Variants in EPB41L5 observed in about 807,000 individuals in gnomAD.
EPB41L5 encodes erythrocyte membrane protein band 4.1 like 5.
In EPB41L5, 55 loss-of-function variants were observed where a neutral mutation model predicts 106.6. The observed-to-expected ratio is 0.52, with a 90% CI of 0.42 to 0.65. The LOEUF (loss-of-function observed/expected upper bound fraction) is 0.65, where lower values mean the gene tolerates loss of function less well. EPB41L5 is among the 30% of genes least tolerant of loss of function. EPB41L5 has a pLI of 0.00. For missense variants in EPB41L5, 871 were observed against 882.1 expected (o/e 0.99, Z 0.16); for synonymous variants, 297 against 306.7 (o/e 0.97, Z 0.33).
chr2:120,125,701 G>A lies in EPB41L5; in HGVS notation c.1338-1987G>A, dbSNP rs149809476. On this transcript the variant is annotated intron_variant, in intron 16 of 24. Coordinates refer to ENST00000263713, the MANE Select transcript of EPB41L5 (RefSeq NM_020909.4). ...AATTCTCTCACGGAATGCCTTTTGG[G>A]ATTTTTTTGTCTTTTCTTTTATGGC... Among the ~76,000 whole-genome samples the A allele has an allele frequency of 9.1e-3, 1,389 of 152,222 alleles. 10 individuals carry two copies. Among genetic ancestry groups the A allele is most frequent in the Non-Finnish European group, 0.014 (961 of 68,016 alleles).
At chr2:120,095,803 G>A (rs1371577581) in intron 14 of EPB41L5, among the ~76,000 whole-genome samples, 1 of 151,906 alleles carries the variant, frequency 6.6e-6, no homozygotes, top group Non-Finnish European at 1.5e-5. Context: ...CAAGTAGCTG[G>A]GATTACAGGC....
chr2:120,073,214 G>A lies in EPB41L5; in HGVS notation c.322G>A (p.Val108Ile). ...TGGTACAAAAAGCATCAAAAAGCAA[G>A]TAAAAAGTAAGTGCAGACAAAATTA... is the stretch of plus-strand genomic sequence containing the variant. ...LDGTKSIKKQ[V>I]KIGSPYCLHL... Residue 108 changes from valine (V) to isoleucine (I), a missense_variant, in exon 4 of 25, where the codon GTA becomes ATA. Transcript: ENST00000263713. 1.9e-6 allele frequency: 3 copies of A among 1,608,768 alleles called. No homozygotes were observed. Among genetic ancestry groups the A allele is most frequent in the Non-Finnish European group, 2.5e-6 (3 of 1,178,744 alleles).
chr2:120,036,045 G>T (rs965455520), intron 2 of EPB41L5, among the ~76,000 whole-genome samples: 1 of 152,166 alleles, frequency 6.6e-6, no homozygotes, highest in African/African-American at 2.4e-5. Context: ...TTCCAAATTT[G>T]TCTTGATAAT....
At chr2:120,076,009 T>C (rs755344488) in intron 7 of EPB41L5, among the ~76,000 whole-genome samples, 16 of 152,220 alleles carry the variant, frequency 1.1e-4, no homozygotes, top group Non-Finnish European at 1.9e-4. Flanking sequence ...AATGCTAAGA[T>C]TGGGCCTTCG....
At chr2:120,056,734 C>T (rs1442704200) in intron 3 of EPB41L5, among the ~76,000 whole-genome samples, 2 of 150,082 alleles carry the variant, frequency 1.3e-5, no homozygotes, top group Admixed American at 1.3e-4. Context: ...GGAAAACCAT[C>T]CCCCCTCTTG....
At chr2:120,095,547 T>C (rs887376720) in intron 14 of EPB41L5, among the ~76,000 whole-genome samples, 2 of 151,194 alleles carry the variant, frequency 1.3e-5, no homozygotes, top group African/African-American at 4.9e-5. Flanking sequence ...GTCCTCAAGC[T>C]TACTGATTTT....
chr2:120,067,316 A>AC (rs1681510706), intron 3 of EPB41L5, among the ~76,000 whole-genome samples: 1 of 152,244 alleles, frequency 6.6e-6, no homozygotes, highest in Non-Finnish European at 1.5e-5. Flanking sequence ...ATTGGCAAGA[A>AC]AAGTAAACAG....
intron 3 of EPB41L5, among the ~76,000 whole-genome samples, chr2:120,062,212 T>C (rs1681131392): frequency 6.6e-6 from 1 of 152,152 alleles, no homozygotes; most frequent in South Asian, 2.1e-4. Flanking sequence ...GAGAACACAA[T>C]AGGATTCAGT....
intron 24 of EPB41L5, among the ~76,000 whole-genome samples, chr2:120,168,884 A>G (rs1687537727): frequency 6.6e-6 from 1 of 152,268 alleles, no homozygotes; most frequent in Non-Finnish European, 1.5e-5. Context: ...TGGGAAGCTT[A>G]CATCTAGTAA....
intron 1 of EPB41L5, among the ~76,000 whole-genome samples, chr2:120,014,810 G>T (rs772455966): frequency 2.0e-5 from 3 of 152,124 alleles, no homozygotes; most frequent in Non-Finnish European, 4.4e-5. Flanking sequence ...GGTCAGGCAA[G>T]TAGGAGGAGC....
intron 2 of EPB41L5, among the ~76,000 whole-genome samples, chr2:120,037,358 C>T (rs1679104711): frequency 6.6e-6 from 1 of 152,122 alleles, no homozygotes; most frequent in Non-Finnish European, 1.5e-5. Flanking sequence ...AGATTAAATG[C>T]AATTCCTATC....
chr2:120,120,526 A>C (rs1162100166), intron 16 of EPB41L5, among the ~76,000 whole-genome samples: 1 of 151,882 alleles, frequency 6.6e-6, no homozygotes, highest in Non-Finnish European at 1.5e-5. Context: ...AAAATGGAAC[A>C]TACACCCTAG....
intron 3 of EPB41L5, among the ~76,000 whole-genome samples, chr2:120,067,432 A>G (rs1381888147): frequency 6.6e-6 from 1 of 152,204 alleles, no homozygotes; most frequent in East Asian, 1.9e-4. Flanking sequence ...TGGAATTGAA[A>G]GCATGTCAGA....
intron 3 of EPB41L5, among the ~76,000 whole-genome samples, chr2:120,055,955 C>G (rs1680621815): frequency 6.6e-6 from 1 of 152,054 alleles, no homozygotes; most frequent in Admixed American, 6.5e-5. Context: ...AGTGCCCTGG[C>G]TAGAACCTTC....
chr2:120,055,233 A>C (rs776847083), intron 3 of EPB41L5, among the ~76,000 whole-genome samples: 2 of 152,134 alleles, frequency 1.3e-5, no homozygotes, highest in African/African-American at 2.4e-5. Context: ...CTTTGTAGTA[A>C]GTCTTAAAAT....
At chr2:120,155,380 T>G (rs1181712381) in intron 20 of EPB41L5, among the ~76,000 whole-genome samples, 1 of 152,218 alleles carries the variant, frequency 6.6e-6, no homozygotes, top group Non-Finnish European at 1.5e-5. Flanking sequence ...TTTACTCTTA[T>G]GAGGATCCTT....
At chr2:120,105,632 C>T in intron 16 of EPB41L5, 2 of 985,284 alleles carry the variant, frequency 2.0e-6, no homozygotes, top group Non-Finnish European at 2.4e-6. Context: ...AGGATGGCCA[C>T]TCAAAGTATT....
chr2:120,023,554 G>T lies in EPB41L5; in HGVS notation c.180+4290G>T, dbSNP rs180919093. Among the ~76,000 whole-genome samples, 4 of 152,178 alleles carry T rather than the reference G, an allele frequency of 2.6e-5. No individual in the cohort carries two copies. In the East Asian group the frequency reaches 7.7e-4, roughly 29 times the overall value. ...TCCATTGGTCCGTATGTCTGTTTTG[G>T]TACCAGTACCATGCTGTTTTGGTTA... On this transcript the variant is annotated intron_variant, in intron 2 of 24. Coordinates refer to ENST00000263713, the MANE Select transcript of EPB41L5 (RefSeq NM_020909.4).
At chr2:120,019,753 C>G (rs1558798356) in intron 2 of EPB41L5, among the ~76,000 whole-genome samples, 1 of 152,190 alleles carries the variant, frequency 6.6e-6, no homozygotes, top group African/African-American at 2.4e-5. Flanking sequence ...TACTTGCAGA[C>G]ATTAATGAGG....
Sources: allele counts gnomAD v4.1 joint callset (sites outside exome capture counted in the v4.1 genomes callset), GRCh38; gene constraint gnomAD v4.1.1; transcripts MANE v1.5; gene names NCBI Gene and HGNC (gene_info 2026-07-23, HGNC 2026-07-21).